Variants in PCLO observed in about 807,000 individuals in gnomAD.
PCLO encodes piccolo presynaptic cytomatrix protein, also known as protein piccolo.
A neutral mutation model predicts 427.5 loss-of-function variants in PCLO; 82 were observed. The observed-to-expected ratio is 0.19, with a 90% CI of 0.16 to 0.23. The LOEUF is 0.23. Ranked by LOEUF, PCLO falls within the 10% of genes least tolerant of loss-of-function variation. PCLO has a pLI of 1.00. For synonymous variants in PCLO, 2,357 were observed against 2,155.4 expected (o/e 1.09, Z -2.59); for missense variants, 6,239 against 6,115.9 (o/e 1.02, Z -0.67).
chr7:82,808,386 T>G (rs1318441148), intron 20 of PCLO, among the ~76,000 whole-genome samples: 2 of 151,892 alleles, frequency 1.3e-5, no homozygotes, highest in Non-Finnish European at 2.9e-5. Flanking sequence ...TCAACTTTGG[T>G]TTTACCTGAT....
intron 20 of PCLO, among the ~76,000 whole-genome samples, chr7:82,811,951 ATATC>A (rs1394792159): frequency 6.6e-6 from 1 of 151,452 alleles, no homozygotes; most frequent in Non-Finnish European, 1.5e-5. Flanking sequence ...TGTAAACAAT[ATATC>A]TATTATAAAG....
chr7:82,859,101 G>T (rs986228125), intron 10 of PCLO, among the ~76,000 whole-genome samples: 1 of 152,156 alleles, frequency 6.6e-6, no homozygotes, highest in South Asian at 2.1e-4. Context: ...AGAACACCAG[G>T]TAGACTTCTA....
At chr7:82,879,882 C>A (rs537397023) in intron 9 of PCLO, 1 of 440,630 alleles carries the variant, frequency 2.3e-6, no homozygotes, top group Non-Finnish European at 4.5e-6. Context: ...ATCATACATA[C>A]AATTGTAATT....
In PCLO at chr7:83,097,116, T is replaced by G. The variant is rs1182660023; in HGVS notation, c.3300+37134A>C. ...TTATATGAATATATATTATATATTA[T>G]ATAAATATATTATACATTATACATT... On this transcript the variant is annotated intron_variant, in intron 3 of 24. Coordinates refer to ENST00000333891, the MANE Select transcript of PCLO (RefSeq NM_033026.6). Among the ~76,000 whole-genome samples, 2 of 76,916 alleles carry G rather than the reference T, an allele frequency of 2.6e-5. 1 individual carries two copies. The highest frequency in any genetic ancestry group is 4.6e-5 in the Non-Finnish European group (2 of 43,766). The allele number at this position is 76,916 out of a possible 152,430, so 50.5% of individuals were successfully genotyped here.
At chr7:82,782,379 CTATACA>C (rs1790891657) in intron 22 of PCLO, among the ~76,000 whole-genome samples, 2 of 152,132 alleles carry the variant, frequency 1.3e-5, no homozygotes, top group African/African-American at 2.4e-5. Flanking sequence ...AAAAAATCTT[CTATACA>C]TAAATGCTCA....
At chr7:82,889,658 G>C (rs1007274238) in intron 9 of PCLO, among the ~76,000 whole-genome samples, 5 of 152,008 alleles carry the variant, frequency 3.3e-5, no homozygotes, top group Non-Finnish European at 7.4e-5. Flanking sequence ...AAACATTAAG[G>C]CAGCATTTTT....
chr7:82,872,616 A>T (rs1793264246), intron 10 of PCLO, among the ~76,000 whole-genome samples: 1 of 152,118 alleles, frequency 6.6e-6, no homozygotes, highest in Non-Finnish European at 1.5e-5. Flanking sequence ...ATAACACAGA[A>T]ATTTAAGTTG....
intron 10 of PCLO, among the ~76,000 whole-genome samples, chr7:82,870,561 A>T (rs77389086): frequency 0.061 from 9,239 of 152,050 alleles, 381 homozygotes; most frequent in East Asian, 0.15. Flanking sequence ...TCAAAAGCAC[A>T]AGCAACAAAA....
At chr7:83,150,985 C>A (rs1792114807) in intron 2 of PCLO, among the ~76,000 whole-genome samples, 1 of 151,980 alleles carries the variant, frequency 6.6e-6, no homozygotes, top group Admixed American at 6.6e-5. Context: ...TGTTTTACAC[C>A]ACAACTGTGA....
chr7:82,858,056 T>C (rs1468308043), intron 10 of PCLO, among the ~76,000 whole-genome samples: 1 of 152,074 alleles, frequency 6.6e-6, no homozygotes, highest in Non-Finnish European at 1.5e-5. Flanking sequence ...TGAACATAGA[T>C]GCAAAACTTC....
chr7:82,872,208 C>T (rs1034927196), intron 10 of PCLO, among the ~76,000 whole-genome samples: 1 of 151,854 alleles, frequency 6.6e-6, no homozygotes, highest in African/African-American at 2.4e-5. Context: ...TTATATCCTA[C>T]ATATTTGACA....
intron 3 of PCLO, 55 bp downstream of exon 3, chr7:83,134,195 C>T: frequency 1.8e-6 from 1 of 544,098 alleles, no homozygotes. Context: ...TCAAAATAAA[C>T]CCACAGACTC....
chr7:82,766,261 C>T (rs1790530476), intron 22 of PCLO, among the ~76,000 whole-genome samples: 1 of 151,932 alleles, frequency 6.6e-6, no homozygotes, highest in Admixed American at 6.6e-5. Flanking sequence ...GACATGCCTC[C>T]CCATTACTGG....
chr7:82,827,336 G>A (rs1791968727), intron 17 of PCLO, among the ~76,000 whole-genome samples: 1 of 151,948 alleles, frequency 6.6e-6, no homozygotes, highest in South Asian at 2.1e-4. Flanking sequence ...TTTGCCTACA[G>A]TTACTTATCT....
chr7:82,817,317 T>C (rs529580050), intron 20 of PCLO, among the ~76,000 whole-genome samples: 3 of 152,170 alleles, frequency 2.0e-5, no homozygotes, highest in Non-Finnish European at 4.4e-5. Context: ...GTACATACAA[T>C]GTTAAAGAAG....
intron 3 of PCLO, among the ~76,000 whole-genome samples, chr7:83,043,185 T>G (rs1175168864): frequency 6.6e-6 from 1 of 151,992 alleles, no homozygotes; most frequent in Non-Finnish European, 1.5e-5. Context: ...GGGTAAAATC[T>G]CCCCCAGTTG....
chr7:82,868,656 G>A (rs12707530), intron 10 of PCLO, among the ~76,000 whole-genome samples: 50,484 of 152,014 alleles, frequency 0.33, 8,553 homozygotes, highest in East Asian at 0.46. Flanking sequence ...GGCCTTGGAC[G>A]TGCTTACTTG....
intron 22 of PCLO, among the ~76,000 whole-genome samples, chr7:82,792,238 T>C (rs781062872): frequency 6.6e-6 from 1 of 152,140 alleles, no homozygotes; most frequent in Non-Finnish European, 1.5e-5. Flanking sequence ...TTACTTCAAA[T>C]AATACCATTT....
At chr7:82,808,003 A>C (rs1200839169) in intron 20 of PCLO, among the ~76,000 whole-genome samples, 1 of 151,992 alleles carries the variant, frequency 6.6e-6, no homozygotes, top group Non-Finnish European at 1.5e-5. Context: ...AAAAATGTAA[A>C]GGTAATGTGA....
Sources: gnomAD v4.1 joint callset for allele counts (sites outside exome capture counted in the v4.1 genomes callset) on GRCh38, gnomAD v4.1.1 for gene constraint, MANE v1.5 for transcripts, NCBI Gene and HGNC (gene_info 2026-07-23, HGNC 2026-07-21) for gene names.